TEX10: variants seen among roughly 807,000 people sequenced by gnomAD.
TEX10 encodes testis-expressed protein 10.
In TEX10, 24 loss-of-function variants were observed where a neutral mutation model predicts 104.4. The ratio of observed to expected loss-of-function variants is 0.23; its 90% CI spans 0.17 to 0.32. TEX10 has a LOEUF of 0.32. TEX10 is among the 10% of genes least tolerant of loss of function. The pLI, the probability that TEX10 is intolerant of heterozygous loss-of-function variation, is 1.00. For missense variants in TEX10, 921 were observed against 1,083.9 expected, an observed-to-expected ratio of 0.85 and a Z score of 2.11; for synonymous variants, 396 against 393.4, an observed-to-expected ratio of 1.01 and a Z score of -0.08.
At chr9:100,346,355 A>G in intron 3 of TEX10, 40 bp from the exon 4 acceptor site, 1 of 1,568,038 alleles carries the variant, frequency 6.4e-7, no homozygotes, top group East Asian at 2.3e-5. Flanking sequence ...GTGATTAAAA[A>G]ATGTTTATTA....
chr9:100,340,321 T>C lies in TEX10; in HGVS notation c.1186A>G (p.Met396Val). The C allele has an allele frequency of 6.4e-7, 1 of 1,573,722 alleles. No homozygotes were observed. Among genetic ancestry groups the C allele is most frequent in the Non-Finnish European group, 8.6e-7 (1 of 1,166,592 alleles). Residue 396 changes from methionine to valine, a missense_variant, in exon 5 of 15, where the codon ATG (methionine) becomes GTG (valine). Physicochemically the swap from Met to Val is conservative, Grantham distance 21 (BLOSUM62 1). This residue lies in a region of TEX10 where 753 missense variants were observed against 868.4 expected (regional missense o/e 0.87). Transcript: ENST00000374902. ...TTTAAGACATATGGAAAACGACTCA[T>C]AAAATGGTGTTTAAAATCAATAAGG... ...NYLIDFKHHFMSRFPYVLKEI... is the reference protein window; with the variant it reads ...NYLIDFKHHFVSRFPYVLKEI...
At chr9:100,330,853 T>C (rs1412280076) in intron 5 of TEX10, among the ~76,000 whole-genome samples, 8 of 152,236 alleles carry the variant, frequency 5.3e-5, no homozygotes, top group Non-Finnish European at 2.9e-5. Flanking sequence ...TGGTGGCCCA[T>C]GCCTGTAATC....
intron 4 of TEX10, 94 bp downstream of exon 4, chr9:100,345,978 A>G: frequency 7.2e-7 from 1 of 1,388,382 alleles, no homozygotes; most frequent in South Asian, 1.6e-5. Context: ...AGAAAAATAT[A>G]TAACCAATTA....
intron 11 of TEX10, among the ~76,000 whole-genome samples, chr9:100,319,117 G>A (rs1011232852): frequency 7.2e-5 from 11 of 151,848 alleles, no homozygotes; most frequent in African/African-American, 2.2e-4. Flanking sequence ...GCTTAAACCC[G>A]GGAGACGGAG....
chr9:100,312,199 A>C (rs767090208), intron 11 of TEX10, among the ~76,000 whole-genome samples: 43 of 152,194 alleles, frequency 2.8e-4, no homozygotes, highest in Non-Finnish European at 5.4e-4. Flanking sequence ...CCACTTCATC[A>C]CTTCCCTTCT....
chr9:100,308,803 TA>T, intron 12 of TEX10, 122 bp from the exon 13 acceptor site: 1 of 794,142 alleles, frequency 1.3e-6, no homozygotes, highest in Non-Finnish European at 1.8e-6. Context: ...AATATATACC[TA>T]ACATATGCCA....
intron 6 of TEX10, among the ~76,000 whole-genome samples, 167 bp from the exon 7 acceptor site, chr9:100,329,442 A>T (rs546444415): frequency 6.6e-6 from 1 of 152,236 alleles, no homozygotes; most frequent in African/African-American, 2.4e-5. Flanking sequence ...CTAATAAAAA[A>T]GTCAAACCAA....
chr9:100,315,084 T>C (rs1429903624), intron 11 of TEX10, among the ~76,000 whole-genome samples: 1 of 152,192 alleles, frequency 6.6e-6, no homozygotes, highest in African/African-American at 2.4e-5. Flanking sequence ...TTAGTACTGA[T>C]TTCTTATTTT....
intron 5 of TEX10, among the ~76,000 whole-genome samples, chr9:100,331,948 G>A (rs1834872080): frequency 6.6e-6 from 1 of 152,208 alleles, no homozygotes; most frequent in African/African-American, 2.4e-5. Flanking sequence ...GGTGGAGACA[G>A]GAGGAGTAAT....
chr9:100,352,605 C>T (rs1382337976), intron 1 of TEX10, 167 bp downstream of exon 1: 3 of 1,491,626 alleles, frequency 2.0e-6, no homozygotes, highest in Non-Finnish European at 2.7e-6. Context: ...CAGTGCCGGC[C>T]GCACACCCAG....
chr9:100,351,596 C>T (rs1170334756), intron 1 of TEX10, among the ~76,000 whole-genome samples: 2 of 152,176 alleles, frequency 1.3e-5, no homozygotes, highest in Non-Finnish European at 2.9e-5. Flanking sequence ...CTCCCTTCCT[C>T]CTCCACTCCT....
intron 14 of TEX10, among the ~76,000 whole-genome samples, 198 bp from the exon 15 acceptor site, chr9:100,302,502 T>C (rs1014730435): frequency 6.6e-6 from 1 of 152,192 alleles, no homozygotes; most frequent in Non-Finnish European, 1.5e-5. Context: ...CCTAGTTATA[T>C]CCTCAAATGC....
intron 5 of TEX10, among the ~76,000 whole-genome samples, chr9:100,332,344 A>G (rs534722161): frequency 1.3e-5 from 2 of 152,370 alleles, no homozygotes; most frequent in East Asian, 3.9e-4. Flanking sequence ...CTCAGGCAGC[A>G]TAATCTATTA....
At chr9:100,330,211 C>T (rs754254061) in intron 5 of TEX10, 42 bp from the exon 6 acceptor site, 5 of 1,348,832 alleles carry the variant, frequency 3.7e-6, no homozygotes, top group Admixed American at 2.1e-5. Flanking sequence ...ATTACGTCTA[C>T]CATGCCTGCT....
rs773718057 is a variant in TEX10 at position 100,329,224 on chromosome 9, C to T, written c.1541G>A (p.Gly514Asp). 2.5e-5 allele frequency: 40 copies of T among 1,612,706 alleles called. No homozygotes were observed. Among genetic ancestry groups the T allele is most frequent in the Non-Finnish European group, 3.1e-5 (36 of 1,179,622 alleles). Residue 514 changes from glycine to aspartate, a missense_variant, in exon 7 of 15, where the codon GGC becomes GAC. By Grantham distance (94) the Gly-to-Asp change is moderately conservative. Transcript: ENST00000374902. ...CAAAGTCCGAACTGGAAGGATAAGGCCCCTCTGCTGATATAATGTATAAAC... is the reference window on the plus strand; with the variant it reads ...CAAAGTCCGAACTGGAAGGATAAGGTCCCTCTGCTGATATAATGTATAAAC... ...KAVYTLYQQR[G>D]LILPVRTLLL...
At chr9:100,328,797 T>TA (rs1382306899) in intron 7 of TEX10, among the ~76,000 whole-genome samples, 5 of 152,180 alleles carry the variant, frequency 3.3e-5, no homozygotes, top group African/African-American at 1.2e-4. Context: ...TCTTATCCCA[T>TA]ATGCCTCAAT....
chr9:100,313,540 GAA>G (rs962646842), intron 11 of TEX10, among the ~76,000 whole-genome samples: 21 of 149,664 alleles, frequency 1.4e-4, no homozygotes, highest in Admixed American at 2.7e-4. Flanking sequence ...AAAAGAAAAA[GAA>G]AAAAATTTAA....
Position 100,308,552 on chromosome 9 carries a change from G to T in TEX10, c.2413C>A (p.Leu805Ile). 1.9e-6 allele frequency: 3 copies of T among 1,612,508 alleles called. No individual in the cohort carries two copies. The highest frequency in any genetic ancestry group is 2.5e-6 in the Non-Finnish European group (3 of 1,179,230). ...PFLASCCYSL[L>I]YFLLTIEKGE... ...TTCTCTATAGTGAGCAGAAAATAAA[G>T]AAGACTGTAGCAACAAGAAGCCAGA... Residue 805 changes from leucine to isoleucine, a missense_variant, in exon 13 of 15, where the codon CTT (leucine) becomes ATT (isoleucine). By Grantham distance (5) the Leu-to-Ile change is conservative. Around this residue, in one of 3 missense-constraint regions of TEX10, gnomAD observed 753 missense variants for 868.4 expected, o/e 0.87. Coordinates refer to ENST00000374902, the MANE Select transcript of TEX10 (RefSeq NM_017746.4).
In TEX10 at chr9:100,311,507, T is replaced by C. The variant is rs181277530; in HGVS notation, c.2203-1128A>G. 2.0e-5 allele frequency among the ~76,000 whole-genome samples: 3 copies of C among 152,326 alleles called. No individual in the cohort carries two copies. The East Asian group carries it at 5.8e-4, about 29-fold the overall frequency. ...CATACTGTATTTCTATTGAGTGCTATGACAGAAAGATCTGAGTGATATGAA... is the reference window on the plus strand; with the variant it reads ...CATACTGTATTTCTATTGAGTGCTACGACAGAAAGATCTGAGTGATATGAA... On this transcript the variant is annotated intron_variant, in intron 11 of 14. Transcript: ENST00000374902.
Sources: gnomAD v4.1 joint callset for allele counts (sites outside exome capture counted in the v4.1 genomes callset) on GRCh38, gnomAD v4.1.1 for gene constraint, gnomAD v4.1.1 regional missense constraint, MANE v1.5 for transcripts, NCBI Gene and HGNC (gene_info 2026-07-23, HGNC 2026-07-21) for gene names.